Variants in TRDN observed in about 807,000 individuals in gnomAD.
TRDN encodes triadin in skeletal muscle.
In TRDN, 161 loss-of-function variants were observed where a neutral mutation model predicts 149.7. The observed-to-expected ratio is 1.08, with a 90% CI of 0.95 to 1.23. The LOEUF is 1.23. Ranked by LOEUF, TRDN falls within the 50% of genes most tolerant of loss-of-function variation. The pLI is 0.00. For synonymous variants in TRDN, 294 were observed against 250.5 expected (o/e 1.17, Z -1.64); for missense variants, 896 against 823.5 (o/e 1.09, Z -1.08).
At chr6:123,274,459 A>C (rs1341688539) in intron 27 of TRDN, among the ~76,000 whole-genome samples, 182 bp downstream of exon 27, 1 of 152,082 alleles carries the variant, frequency 6.6e-6, no homozygotes, top group Non-Finnish European at 1.5e-5. Flanking sequence ...TAGTCTAGGG[A>C]ATATTCCCAT....
intron 29 of TRDN, among the ~76,000 whole-genome samples, chr6:123,272,098 T>C (rs1777223317): frequency 6.6e-6 from 1 of 152,000 alleles, no homozygotes. Flanking sequence ...GTTGTTGGTG[T>C]ATCACAGTTT....
At chr6:123,456,089 T>C (rs1322793773) in intron 10 of TRDN, among the ~76,000 whole-genome samples, 1 of 152,216 alleles carries the variant, frequency 6.6e-6, no homozygotes, top group East Asian at 1.9e-4. Context: ...GGACTTGATT[T>C]ATTAAATAAA....
intron 10 of TRDN, among the ~76,000 whole-genome samples, chr6:123,454,005 T>C (rs1002723887): frequency 1.1e-4 from 17 of 152,054 alleles, no homozygotes; most frequent in Non-Finnish European, 2.4e-4. Flanking sequence ...TTGGAGACTA[T>C]TATTCTAAGT....
intron 22 of TRDN, among the ~76,000 whole-genome samples, chr6:123,334,070 T>A (rs1354620655): frequency 6.6e-6 from 1 of 152,018 alleles, no homozygotes; most frequent in African/African-American, 2.4e-5. Context: ...TGGGTTAGTA[T>A]CCATGATGAA....
At chr6:123,421,243 A>G (rs1279967665) in intron 12 of TRDN, among the ~76,000 whole-genome samples, 1 of 152,134 alleles carries the variant, frequency 6.6e-6, no homozygotes, top group Admixed American at 6.6e-5. Flanking sequence ...CTTACCTGTC[A>G]CCAGCATTGT....
intron 33 of TRDN, among the ~76,000 whole-genome samples, chr6:123,263,983 G>T (rs1038618143): frequency 2.0e-4 from 30 of 151,986 alleles, no homozygotes; most frequent in Non-Finnish European, 3.5e-4. Context: ...AAATATTATG[G>T]CTCATTGACA....
At chr6:123,233,955 T>C (rs751747353) in intron 38 of TRDN, among the ~76,000 whole-genome samples, 13 of 152,102 alleles carry the variant, frequency 8.5e-5, no homozygotes, top group Non-Finnish European at 1.8e-4. Context: ...ACTTATCATA[T>C]ACCAATCCCT....
chr6:123,302,614 T>C (rs1014680113), intron 24 of TRDN, among the ~76,000 whole-genome samples: 1 of 151,964 alleles, frequency 6.6e-6, no homozygotes, highest in Non-Finnish European at 1.5e-5. Flanking sequence ...ATGGAATAAG[T>C]GAATAAAACA....
intron 1 of TRDN, among the ~76,000 whole-genome samples, chr6:123,581,950 A>C (rs1237851445): frequency 6.6e-6 from 1 of 152,214 alleles, no homozygotes; most frequent in Admixed American, 6.5e-5. Context: ...GCCAATCAAA[A>C]AGAATCAAAC....
At chr6:123,518,723 C>T (rs1417589410) in intron 5 of TRDN, among the ~76,000 whole-genome samples, 5 of 152,090 alleles carry the variant, frequency 3.3e-5, no homozygotes, top group Non-Finnish European at 5.9e-5. Flanking sequence ...ATTTACAGAC[C>T]CTGTACTGTA....
intron 9 of TRDN, among the ~76,000 whole-genome samples, chr6:123,482,932 A>G (rs1383641010): frequency 6.6e-6 from 1 of 152,014 alleles, no homozygotes; most frequent in Admixed American, 6.6e-5. Flanking sequence ...AAGACAGAAT[A>G]TCAATAATCA....
At chr6:123,594,605 A>G (rs1783941014) in intron 1 of TRDN, among the ~76,000 whole-genome samples, 1 of 145,620 alleles carries the variant, frequency 6.9e-6, no homozygotes, top group East Asian at 2.0e-4. Context: ...CAAAGCATGA[A>G]TGTTACCAAA....
intron 9 of TRDN, among the ~76,000 whole-genome samples, chr6:123,472,769 A>G (rs1182708172): frequency 6.6e-6 from 1 of 152,220 alleles, no homozygotes; most frequent in African/African-American, 2.4e-5. Context: ...CTGCCTTCTC[A>G]AGTGGGTCCC....
At chr6:123,369,228 C>T (rs906041399) in intron 19 of TRDN, among the ~76,000 whole-genome samples, 3 of 151,996 alleles carry the variant, frequency 2.0e-5, no homozygotes, top group Non-Finnish European at 4.4e-5. Context: ...TCTGTGTGTC[C>T]CAAATTTCCT....
At chr6:123,470,140 T>C (rs1408929321) in intron 9 of TRDN, 2 of 152,138 alleles carry the variant, frequency 1.3e-5, no homozygotes, top group Admixed American at 6.5e-5. Flanking sequence ...TCTTTTAGTG[T>C]GTATTTTTTT....
intron 26 of TRDN, among the ~76,000 whole-genome samples, chr6:123,276,298 A>G (rs527470618): frequency 6.6e-6 from 1 of 152,124 alleles, no homozygotes; most frequent in Non-Finnish European, 1.5e-5. Context: ...GGAACATGTT[A>G]TTGGCCACTA....
chr6:123,535,459 A>G (rs1291785025), intron 4 of TRDN, among the ~76,000 whole-genome samples: 1 of 152,142 alleles, frequency 6.6e-6, no homozygotes, highest in Non-Finnish European at 1.5e-5. Context: ...AGGAAAAAGT[A>G]GTATCTCCTC....
At chr6:123,606,032 T>C (rs1784513833) in intron 1 of TRDN, among the ~76,000 whole-genome samples, 1 of 152,156 alleles carries the variant, frequency 6.6e-6, no homozygotes, top group Admixed American at 6.6e-5. Flanking sequence ...CATTCAATGT[T>C]ACCAAACTGA....
intron 19 of TRDN, 111 bp from the exon 20 acceptor site, chr6:123,366,293 C>T: frequency 1.0e-6 from 1 of 972,998 alleles, no homozygotes; most frequent in Non-Finnish European, 1.5e-6. Context: ...CACATGAGAG[C>T]AAAGCAAGCT....
Sources: gnomAD v4.1 joint callset for allele counts (sites outside exome capture counted in the v4.1 genomes callset) on GRCh38, gnomAD v4.1.1 for gene constraint, MANE v1.5 for transcripts, NCBI Gene and HGNC (gene_info 2026-07-23, HGNC 2026-07-21) for gene names.